Variants in NRIP1 observed in about 807,000 individuals in gnomAD.
NRIP1 encodes nuclear receptor-interacting protein 1.
A neutral mutation model predicts 75.0 loss-of-function variants in NRIP1; 28 were observed. That is an observed-to-expected ratio of 0.37 (90% CI 0.28 to 0.51). The LOEUF is 0.51. NRIP1 is among the 20% of genes least tolerant of loss of function. The pLI is 0.92. For missense variants in NRIP1, 1,435 were observed against 1,343.7 expected, an observed-to-expected ratio of 1.07 and a Z score of -1.06; for synonymous variants, 526 against 487.6, an observed-to-expected ratio of 1.08 and a Z score of -1.04.
At chr21:14,999,756 C>T (rs1326633274) in intron 3 of NRIP1, among the ~76,000 whole-genome samples, 4 of 152,182 alleles carry the variant, frequency 2.6e-5, no homozygotes, top group Non-Finnish European at 5.9e-5. Flanking sequence ...AGTAACACTG[C>T]ATGCTCATTT....
rs772478404 is a variant in NRIP1 at position 14,965,105 on chromosome 21, A to G, written c.3088T>C (p.Leu1030=). 3.8e-5 allele frequency: 61 copies of G among 1,613,258 alleles called. No homozygotes were observed. Among genetic ancestry groups the G allele is most frequent in the Middle Eastern group, 1.6e-4 (1 of 6,076 alleles). The change falls in exon 4 of 4, where the codon TTG becomes CTG. Residue 1030 remains leucine, a synonymous_variant. Coordinates refer to ENST00000318948, the MANE Select transcript of NRIP1 (RefSeq NM_003489.4). ...CAGSRPESGL[L]NGCSMPSEKG... is the part of the protein sequence containing the mutation. ...TCACTGGGCATGGAACACCCATTCA[A>G]AAGCCCAGATTCTGGTCTAGACCCT... is the stretch of plus-strand genomic sequence containing the variant.
chr21:15,031,058 TCC>T, intron 2 of NRIP1, among the ~76,000 whole-genome samples: 1 of 43,028 alleles, frequency 2.3e-5, no homozygotes, highest in Non-Finnish European at 4.5e-5. Flanking sequence ...TTCACTACAT[TCC>T]CTTTCTATGT....
At chr21:15,012,632 T>C (rs1439256812) in intron 3 of NRIP1, among the ~76,000 whole-genome samples, 2 of 152,016 alleles carry the variant, frequency 1.3e-5, no homozygotes, top group African/African-American at 2.4e-5. Flanking sequence ...TTTGTATTTT[T>C]AGTAGAGACA....
intron 3 of NRIP1, among the ~76,000 whole-genome samples, chr21:14,978,507 G>A (rs1332377928): frequency 1.3e-5 from 2 of 152,102 alleles, no homozygotes; most frequent in Admixed American, 1.3e-4. Context: ...CTAAATATGA[G>A]CTTATATTCA....
chr21:15,029,424 C>T (rs2088593767), intron 2 of NRIP1, among the ~76,000 whole-genome samples: 4 of 152,154 alleles, frequency 2.6e-5, no homozygotes, highest in African/African-American at 7.2e-5. Context: ...TGGGTGTCAT[C>T]TAAAACTTCC....
intron 2 of NRIP1, among the ~76,000 whole-genome samples, chr21:15,024,189 C>T (rs2088451949): frequency 6.6e-6 from 1 of 152,074 alleles, no homozygotes; most frequent in African/African-American, 2.4e-5. Context: ...AAATTGAAAA[C>T]TTCATTCATC....
intron 3 of NRIP1, among the ~76,000 whole-genome samples, chr21:14,975,086 C>T (rs2087015141): frequency 6.6e-6 from 1 of 151,646 alleles, no homozygotes; most frequent in East Asian, 2.0e-4. Context: ...GCACTTTAGC[C>T]TGGGTGACAG....
intron 3 of NRIP1, among the ~76,000 whole-genome samples, chr21:15,009,968 A>G (rs892009121): frequency 4.6e-5 from 7 of 152,308 alleles, no homozygotes; most frequent in Non-Finnish European, 8.8e-5. Flanking sequence ...AGGCTAGAAG[A>G]TGGCAGGTGG....
intron 3 of NRIP1, among the ~76,000 whole-genome samples, chr21:15,012,389 A>G (rs1409516334): frequency 6.6e-6 from 1 of 151,530 alleles, no homozygotes. Flanking sequence ...AATCACTATC[A>G]GTAATTTGTT....
chr21:15,024,414 C>A (rs1287215508), intron 2 of NRIP1, among the ~76,000 whole-genome samples: 5 of 151,774 alleles, frequency 3.3e-5, no homozygotes, highest in Non-Finnish European at 7.4e-5. Context: ...TGGTGGCAGT[C>A]ACCTGTAATC....
At chr21:15,029,301 C>G (rs1235812998) in intron 2 of NRIP1, among the ~76,000 whole-genome samples, 2 of 152,118 alleles carry the variant, frequency 1.3e-5, no homozygotes, top group East Asian at 1.9e-4. Flanking sequence ...TCACTCACCC[C>G]ACTCCAGCCA....
chr21:14,998,553 A>G (rs1412286490), intron 3 of NRIP1, among the ~76,000 whole-genome samples: 1 of 152,202 alleles, frequency 6.6e-6, no homozygotes, highest in Non-Finnish European at 1.5e-5. Context: ...GATGTGCTAC[A>G]GTTGACCCTT....
In NRIP1 at chr21:14,982,708, G is replaced by GT. The variant is rs200186916; in HGVS notation, c.-334-14183dup. Among the ~76,000 whole-genome samples the GT allele has an allele frequency of 4.5e-3, 387 of 85,648 alleles. 13 individuals carry two copies. In the East Asian group the frequency reaches 0.17, roughly 39 times the overall value. The allele number at this position is 85,648 out of a possible 152,430, so 56.2% of individuals were successfully genotyped here. Reference sequence around the variant, plus strand: ...TGCCATTATTGTGGGGTTTTTTTTTGTTTTTTTTTTGTTTTTTTTTTTTAC... The same window carrying GT: ...TGCCATTATTGTGGGGTTTTTTTTTGTTTTTTTTTTTGTTTTTTTTTTTTAC... On this transcript the variant is annotated intron_variant, in intron 3 of 3. Coordinates refer to ENST00000318948, the MANE Select transcript of NRIP1 (RefSeq NM_003489.4).
chr21:14,968,186 G>A lies in NRIP1; in HGVS notation c.7C>T (p.His3Tyr), dbSNP rs1473942162. ...ACATCAGAGCCAAGCTCTTCTCCAT[G>A]AGTCATGTTCAATAGAAGTGTTCAC... MT[H>Y]GEELGSDVHQ... The change falls in exon 4 of 4, where the codon CAT becomes TAT. Residue 3 changes from histidine to tyrosine, a missense_variant. Physicochemically the swap from His to Tyr is moderately conservative, Grantham distance 83. Transcript: ENST00000318948. 1.2e-6 allele frequency: 2 copies of A among 1,607,254 alleles called. No individual in the cohort carries two copies. Among genetic ancestry groups the A allele is most frequent in the East Asian group, 2.2e-5 (1 of 44,840 alleles).
chr21:14,974,015 A>G (rs2086978873), intron 3 of NRIP1, among the ~76,000 whole-genome samples: 1 of 151,892 alleles, frequency 6.6e-6, no homozygotes, highest in South Asian at 2.1e-4. Flanking sequence ...TTTAACCCTC[A>G]GTACACCAAG....
chr21:15,000,489 G>A (rs932916957), intron 3 of NRIP1, among the ~76,000 whole-genome samples: 10 of 152,004 alleles, frequency 6.6e-5, no homozygotes, highest in Admixed American at 2.0e-4. Flanking sequence ...AAAAAAAAAG[G>A]AAAATATCAA....
chr21:15,008,566 G>GT (rs527820617), intron 3 of NRIP1, among the ~76,000 whole-genome samples: 537 of 152,222 alleles, frequency 3.5e-3, no homozygotes, highest in Non-Finnish European at 4.9e-3. Flanking sequence ...AACGCTGGCA[G>GT]TAAGTTTCAG....
chr21:15,016,220 G>T (rs541156589), intron 2 of NRIP1, among the ~76,000 whole-genome samples: 1 of 152,276 alleles, frequency 6.6e-6, no homozygotes, highest in African/African-American at 2.4e-5. Flanking sequence ...ATAGATCTTG[G>T]ACTCAATTAA....
intron 2 of NRIP1, among the ~76,000 whole-genome samples, chr21:15,037,589 A>G (rs2088864011): frequency 6.6e-6 from 1 of 152,214 alleles, no homozygotes. Context: ...ATGGGAGCAC[A>G]TGTTCCCTTC....
Sources: gnomAD v4.1 joint callset for allele counts (sites outside exome capture counted in the v4.1 genomes callset) on GRCh38, gnomAD v4.1.1 for gene constraint, MANE v1.5 for transcripts, NCBI Gene and HGNC (gene_info 2026-07-23, HGNC 2026-07-21) for gene names.